MYRIP: variants seen among roughly 807,000 people sequenced by gnomAD.
MYRIP encodes the protein rab effector MyRIP.
Under a neutral mutation model 98.0 loss-of-function variants are expected in MYRIP, and 49 were observed. The observed-to-expected ratio is 0.50, with a 90% CI of 0.40 to 0.63. MYRIP has a LOEUF of 0.63. MYRIP is among the 30% of genes least tolerant of loss of function. The pLI is 0.00. For synonymous variants in MYRIP, 404 were observed against 409.5 expected, an observed-to-expected ratio of 0.99 and a Z score of 0.16; for missense variants, 1,004 against 1,058.2, an observed-to-expected ratio of 0.95 and a Z score of 0.71.
chr3:39,933,546 G>A (rs1271306160), intron 2 of MYRIP, among the ~76,000 whole-genome samples: 1 of 152,212 alleles, frequency 6.6e-6, no homozygotes, highest in African/African-American at 2.4e-5. Flanking sequence ...CTGAGAAGAA[G>A]CCACTCAATT....
At chr3:40,118,073 T>A (rs1373818242) in intron 3 of MYRIP, among the ~76,000 whole-genome samples, 7 of 152,240 alleles carry the variant, frequency 4.6e-5, no homozygotes, top group Admixed American at 4.6e-4. Context: ...GTAAACAGAA[T>A]TTTCAGAAAA....
intron 12 of MYRIP, among the ~76,000 whole-genome samples, chr3:40,235,549 A>G (rs545918470): frequency 6.6e-6 from 1 of 152,368 alleles, no homozygotes; most frequent in South Asian, 2.1e-4. Flanking sequence ...AGAGAAAGAC[A>G]CTTGAGAAAG....
intron 11 of MYRIP, among the ~76,000 whole-genome samples, chr3:40,215,046 T>G (rs1952075182): frequency 6.6e-6 from 1 of 152,190 alleles, no homozygotes; most frequent in Admixed American, 6.5e-5. Context: ...TTTGCAATAC[T>G]GTAGATGAAA....
At chr3:40,255,148 C>T (rs778679757) in intron 16 of MYRIP, among the ~76,000 whole-genome samples, 7 of 152,078 alleles carry the variant, frequency 4.6e-5, no homozygotes, top group Non-Finnish European at 1.0e-4. Flanking sequence ...GTTCACAGAG[C>T]GGAAAAAGAT....
At chr3:40,173,972 A>T (rs1417576581) in intron 8 of MYRIP, 1 of 152,230 alleles carries the variant, frequency 6.6e-6, no homozygotes, top group Non-Finnish European at 1.5e-5. Context: ...ATTTTTATAT[A>T]AAAATAGGGC....
At chr3:40,053,484 C>G (rs1041070784) in intron 3 of MYRIP, among the ~76,000 whole-genome samples, 1 of 152,104 alleles carries the variant, frequency 6.6e-6, no homozygotes. Context: ...GATTAAAGAA[C>G]AAATAAATGT....
At chr3:39,814,415 G>GT (rs1182183814) in intron 1 of MYRIP, among the ~76,000 whole-genome samples, 1 of 151,858 alleles carries the variant, frequency 6.6e-6, no homozygotes, top group African/African-American at 2.4e-5. Context: ...ATTTCCATTG[G>GT]TTTTTTTACT....
intron 2 of MYRIP, among the ~76,000 whole-genome samples, chr3:40,034,894 T>TA (rs987940779): frequency 0.016 from 2,348 of 151,320 alleles, 55 homozygotes; most frequent in African/African-American, 0.052. Flanking sequence ...TATGCAGCCA[T>TA]AAAAAAGGAT....
At chr3:40,249,089 C>A (rs117599157) in intron 13 of MYRIP, among the ~76,000 whole-genome samples, 1 of 152,254 alleles carries the variant, frequency 6.6e-6, no homozygotes, top group East Asian at 1.9e-4. Context: ...TCAAAGAAGC[C>A]CTCAGTAAAT....
chr3:39,934,057 G>T (rs1164536788), intron 2 of MYRIP, among the ~76,000 whole-genome samples: 1 of 152,216 alleles, frequency 6.6e-6, no homozygotes, highest in Non-Finnish European at 1.5e-5. Context: ...AGCAATGTGT[G>T]CTTGAGTGAG....
chr3:40,101,288 C>T (rs1245345149), intron 3 of MYRIP, among the ~76,000 whole-genome samples: 1 of 152,090 alleles, frequency 6.6e-6, no homozygotes, highest in African/African-American at 2.4e-5. Context: ...TCTGGTGTTG[C>T]TGTTGAGTCA....
Position 39,856,736 on chromosome 3 carries a change from A to G in MYRIP, c.-30-44051A>G, listed in dbSNP as rs374385530. Among the ~76,000 whole-genome samples, 5 of 152,288 alleles carry G rather than the reference A, an allele frequency of 3.3e-5. No individual in the cohort carries two copies. In the East Asian group the frequency reaches 7.7e-4, roughly 24 times the overall value. Reference sequence around the variant, plus strand: ...ACAGAAACAACTAGATGGTCCATCCATCTGATGGCCCCTGGACTAACTAGT... The same window carrying G: ...ACAGAAACAACTAGATGGTCCATCCGTCTGATGGCCCCTGGACTAACTAGT... On this transcript the variant is annotated intron_variant, in intron 1 of 16. Transcript: ENST00000302541.
chr3:40,247,219 G>A (rs1953234106), intron 13 of MYRIP, among the ~76,000 whole-genome samples: 2 of 152,076 alleles, frequency 1.3e-5, no homozygotes, highest in Non-Finnish European at 2.9e-5. Context: ...TTTTATGGCA[G>A]AAAACTCTAG....
chr3:39,888,942 T>C (rs1005167989), intron 1 of MYRIP, among the ~76,000 whole-genome samples: 11 of 152,146 alleles, frequency 7.2e-5, no homozygotes, highest in Non-Finnish European at 1.6e-4. Flanking sequence ...TCACCATCAC[T>C]GGCCATCAGA....
chr3:40,067,397 T>G (rs1948144808), intron 3 of MYRIP, among the ~76,000 whole-genome samples: 1 of 152,170 alleles, frequency 6.6e-6, no homozygotes, highest in African/African-American at 2.4e-5. Context: ...CATAAATATC[T>G]TTTCTGAGAG....
intron 3 of MYRIP, among the ~76,000 whole-genome samples, chr3:40,141,165 C>T (rs1363332987): frequency 6.6e-6 from 1 of 152,156 alleles, no homozygotes; most frequent in African/African-American, 2.4e-5. Flanking sequence ...GAACATGCAA[C>T]ATTTGTCTTT....
chr3:40,220,276 T>G (rs1952295852), intron 11 of MYRIP, among the ~76,000 whole-genome samples: 5 of 152,128 alleles, frequency 3.3e-5, no homozygotes. Context: ...TTTCTCCCAT[T>G]TTGTAGGTTG....
chr3:40,095,543 G>T (rs762711798), intron 3 of MYRIP, among the ~76,000 whole-genome samples: 1 of 152,138 alleles, frequency 6.6e-6, no homozygotes, highest in Non-Finnish European at 1.5e-5. Context: ...GGTAGTCATG[G>T]GGGGAGAATT....
intron 1 of MYRIP, among the ~76,000 whole-genome samples, chr3:39,824,075 A>G (rs899515939): frequency 6.6e-6 from 1 of 152,104 alleles, no homozygotes; most frequent in South Asian, 2.1e-4. Flanking sequence ...CTGCATATGG[A>G]CATCGTTTTC....
Sources: allele counts gnomAD v4.1 joint callset (sites outside exome capture counted in the v4.1 genomes callset), GRCh38; gene constraint gnomAD v4.1.1; transcripts MANE v1.5; gene names NCBI Gene and HGNC (gene_info 2026-07-23, HGNC 2026-07-21).